Variants in UNC13C observed in about 807,000 individuals in gnomAD.
UNC13C encodes protein unc-13 homolog C.
In UNC13C, 174 loss-of-function variants were observed where a neutral mutation model predicts 245.4. That is an observed-to-expected ratio of 0.71 (90% CI 0.63 to 0.80). UNC13C has a LOEUF of 0.80. Among genes scored for constraint, UNC13C ranks in the 30% least tolerant of loss-of-function variants. The pLI, the probability that UNC13C is intolerant of heterozygous loss-of-function variation, is 0.00. For synonymous variants in UNC13C, 992 were observed against 895.1 expected (o/e 1.11, Z -1.93); for missense variants, 2,829 against 2,602.9 (o/e 1.09, Z -1.89).
At chr15:54,288,258 A>G (rs2037199999) in intron 10 of UNC13C, among the ~76,000 whole-genome samples, 1 of 152,106 alleles carries the variant, frequency 6.6e-6, no homozygotes, top group African/African-American at 2.4e-5. Context: ...TTTCTAGATG[A>G]ATTTCGTTTA....
At chr15:53,933,161 C>A in the UNC13C span, among the ~76,000 whole-genome samples, 1 of 152,136 alleles carries the variant, frequency 6.6e-6, no homozygotes. Context: ...TCAGCCTGGA[C>A]AATTAGGATA....
the UNC13C span, among the ~76,000 whole-genome samples, chr15:53,951,638 C>A: frequency 1.3e-5 from 2 of 152,164 alleles, no homozygotes; most frequent in Non-Finnish European, 2.9e-5. Flanking sequence ...CTTAATCTAG[C>A]TAGTGGTGGA....
intron 7 of UNC13C, among the ~76,000 whole-genome samples, chr15:54,242,568 TA>T (rs1435891257): frequency 6.6e-6 from 1 of 152,176 alleles, no homozygotes; most frequent in Non-Finnish European, 1.5e-5. Context: ...GTTGACTCCA[TA>T]TTATCTCCTT....
At chr15:53,854,393 A>G in the UNC13C span, among the ~76,000 whole-genome samples, 1 of 152,106 alleles carries the variant, frequency 6.6e-6, no homozygotes, top group African/African-American at 2.4e-5. Context: ...TGCTGGGATT[A>G]CAGGTGTGAG....
chr15:54,478,537 C>A (rs1055294678), intron 19 of UNC13C, among the ~76,000 whole-genome samples: 1 of 151,390 alleles, frequency 6.6e-6, no homozygotes, highest in South Asian at 2.1e-4. Context: ...TTTCAAAGAA[C>A]ATCTTTATTT....
chr15:54,175,082 A>G (rs1295328606), intron 4 of UNC13C, among the ~76,000 whole-genome samples: 1 of 152,034 alleles, frequency 6.6e-6, no homozygotes, highest in Non-Finnish European at 1.5e-5. Context: ...CAACTCCTTA[A>G]TTCCCCAGCC....
chr15:53,907,817 T>C, the UNC13C span, among the ~76,000 whole-genome samples: 2 of 120,772 alleles, frequency 1.7e-5, no homozygotes, highest in Admixed American at 1.8e-4. Flanking sequence ...ATGCTTAACA[T>C]AAATGATGCT....
intron 19 of UNC13C, among the ~76,000 whole-genome samples, chr15:54,417,921 ATGTTTGTTTGTT>A (rs150006297): frequency 6.6e-6 from 1 of 151,808 alleles, no homozygotes; most frequent in Admixed American, 6.6e-5. Context: ...TGTTTTATGT[ATGTTTGTTTGTT>A]TGTTTGTTTG....
chr15:53,915,450 T>A, the UNC13C span, among the ~76,000 whole-genome samples: 5 of 152,106 alleles, frequency 3.3e-5, no homozygotes, highest in African/African-American at 7.2e-5. Flanking sequence ...AAGACAATTA[T>A]GAACCTTACC....
chr15:54,168,655 G>C (rs2033273813), intron 4 of UNC13C, among the ~76,000 whole-genome samples: 1 of 152,100 alleles, frequency 6.6e-6, no homozygotes, highest in South Asian at 2.1e-4. Context: ...TTTTGAGGTA[G>C]TTTATGAATA....
At chr15:54,086,605 G>A (rs1228771005) in intron 2 of UNC13C, among the ~76,000 whole-genome samples, 1 of 152,060 alleles carries the variant, frequency 6.6e-6, no homozygotes, top group East Asian at 1.9e-4. Context: ...TTCAAAAGAG[G>A]GAGAGTGAAA....
At chr15:54,594,573 C>T (rs934387425) in intron 30 of UNC13C, among the ~76,000 whole-genome samples, 1 of 152,112 alleles carries the variant, frequency 6.6e-6, no homozygotes, top group Non-Finnish European at 1.5e-5. Flanking sequence ...TTATAGCTGC[C>T]TCTGCTGAGT....
chr15:53,892,733 A>G, the UNC13C span, among the ~76,000 whole-genome samples: 6 of 151,954 alleles, frequency 3.9e-5, no homozygotes, highest in African/African-American at 1.5e-4. Flanking sequence ...CAGGTCATTT[A>G]TGTTCTCTAA....
chr15:54,146,338 G>A (rs2032257173), intron 4 of UNC13C, among the ~76,000 whole-genome samples: 2 of 152,022 alleles, frequency 1.3e-5, no homozygotes, highest in Admixed American at 6.6e-5. Flanking sequence ...AGAGCCAAAC[G>A]ACATTCATCC....
At position 54,013,129 on chromosome 15, in the gene UNC13C, T is replaced by G; in HGVS notation, c.226T>G (p.Ser76Ala). ...IAKCSSTHNLSTEEDEASKEF... is the reference protein window; with the variant it reads ...IAKCSSTHNLATEEDEASKEF... The stretch of plus-strand genomic sequence containing the variant: ...AAAGTGTTCATCCACTCACAACTTA[T>G]CCACTGAGGAAGACGAGGCCAGTAA... The change falls in exon 2 of 33, where the codon TCC becomes GCC. Residue 76 changes from serine (S) to alanine (A), a missense_variant. Physicochemically the swap from Ser to Ala is moderately conservative, Grantham distance 99. Transcript: ENST00000260323. The G allele has an allele frequency of 1.2e-6, 2 of 1,613,846 alleles. No individual in the cohort carries two copies. The highest frequency in any genetic ancestry group is 1.1e-5 in the South Asian group (1 of 91,076).
intron 17 of UNC13C, among the ~76,000 whole-genome samples, chr15:54,344,551 T>C (rs2038814672): frequency 1.3e-5 from 2 of 152,160 alleles, no homozygotes; most frequent in South Asian, 4.1e-4. Context: ...TCATCAACAT[T>C]GTTATTATTT....
chr15:54,502,188 A>G (rs560925996), intron 22 of UNC13C, among the ~76,000 whole-genome samples: 71 of 152,184 alleles, frequency 4.7e-4, no homozygotes, highest in Admixed American at 3.1e-3. Context: ...CACACACTAT[A>G]AGCCACCTTG....
At chr15:54,531,142 T>A (rs1210819836) in intron 25 of UNC13C, among the ~76,000 whole-genome samples, 1 of 152,058 alleles carries the variant, frequency 6.6e-6, no homozygotes. Context: ...GACTTTGAAG[T>A]GGAAAGATTG....
chr15:53,999,887 T>C (rs1894806575), intron 1 of UNC13C, among the ~76,000 whole-genome samples: 1 of 152,058 alleles, frequency 6.6e-6, no homozygotes, highest in African/African-American at 2.4e-5. Flanking sequence ...AAATGTCTTT[T>C]ATTATGGTCA....
Sources: gnomAD v4.1 joint callset for allele counts (sites outside exome capture counted in the v4.1 genomes callset) on GRCh38, gnomAD v4.1.1 for gene constraint, MANE v1.5 for transcripts, NCBI Gene and HGNC (gene_info 2026-07-23, HGNC 2026-07-21) for gene names.